The following BCAS3 variants were observed in gnomAD, a reference collection of about 807,000 sequenced individuals.
BCAS3 encodes BCAS3 microtubule associated cell migration factor.
BCAS3 carries 53 observed loss-of-function variants against 116.1 expected under a neutral mutation model. The ratio of observed to expected loss-of-function variants is 0.46; its 90% CI spans 0.37 to 0.57. The LOEUF (loss-of-function observed/expected upper bound fraction) is 0.57, where lower values mean the gene tolerates loss of function less well. Ranked by LOEUF, BCAS3 falls within the 20% of genes least tolerant of loss-of-function variation. The probability of loss-of-function intolerance (pLI) is 0.00; values close to 1 mark genes in which losing one functional copy is unlikely to be tolerated. For synonymous variants in BCAS3, 391 were observed against 408.2 expected (o/e 0.96, Z 0.51); for missense variants, 917 against 1,165.4 (o/e 0.79, Z 3.10).
Position 61,188,432 on chromosome 17 carries a change from A to G in BCAS3, c.2425+103868A>G, listed in dbSNP as rs568769510. On this transcript the variant is annotated intron_variant, in intron 22 of 23. Coordinates refer to ENST00000407086, the MANE Select transcript of BCAS3 (RefSeq NM_017679.5). The surrounding 1 kb of genome is among the most constrained non-coding windows in gnomAD (Gnocchi z 4.0). ...AGAGTTCCCACTCGATTCCTAGTTT[A>G]TATTCTGGTATGGACCACAAGTCTG... Among the ~76,000 whole-genome samples the G allele has an allele frequency of 7.9e-5, 12 of 152,302 alleles. No individual in the cohort carries two copies. The South Asian group carries it at 1.7e-3, about 21-fold the overall frequency.
intron 7 of BCAS3, among the ~76,000 whole-genome samples, chr17:60,848,573 T>G (rs927203676): frequency 6.6e-6 from 1 of 152,180 alleles, no homozygotes; most frequent in Non-Finnish European, 1.5e-5. Flanking sequence ...TTCAGTACAG[T>G]GTTGAATAAT....
chr17:60,876,373 C>G (rs371890835), intron 9 of BCAS3, among the ~76,000 whole-genome samples: 11 of 152,022 alleles, frequency 7.2e-5, no homozygotes, highest in African/African-American at 2.2e-4. Context: ...CACTAATACC[C>G]CTTCTCTTTA....
intron 22 of BCAS3, among the ~76,000 whole-genome samples, chr17:61,359,201 T>C (rs1304403873): frequency 6.6e-6 from 1 of 152,182 alleles, no homozygotes; most frequent in African/African-American, 2.4e-5. Context: ...TAGCCTTTCA[T>C]AGAATCCCAC....
intron 6 of BCAS3, among the ~76,000 whole-genome samples, chr17:60,774,632 C>T (rs2045092450): frequency 6.6e-6 from 1 of 152,234 alleles, no homozygotes; most frequent in Non-Finnish European, 1.5e-5. Flanking sequence ...TTCTCTTACT[C>T]TTTGTTAGGT....
At chr17:61,047,865 T>C (rs2068490455) in intron 19 of BCAS3, among the ~76,000 whole-genome samples, 1 of 152,040 alleles carries the variant, frequency 6.6e-6, no homozygotes, top group Non-Finnish European at 1.5e-5. Context: ...GCAACAGTGT[T>C]TTTAAGTTGC....
At position 60,817,942 on chromosome 17, in the gene BCAS3, C is replaced by T. The variant is rs572931472; in HGVS notation, c.476+9866C>T. The stretch of plus-strand genomic sequence containing the variant: ...TGATCTTGGCTCACTGCAACCTCCA[C>T]GTCCTGGGTTCAAGAAATTCTCCTG... On this transcript the variant is annotated intron_variant, in intron 7 of 23. Coordinates refer to ENST00000407086, the MANE Select transcript of BCAS3 (RefSeq NM_017679.5). 4.6e-5 allele frequency among the ~76,000 whole-genome samples: 7 copies of T among 151,632 alleles called. No individual in the cohort carries two copies. In the East Asian group the frequency reaches 7.7e-4, roughly 17 times the overall value.
intron 7 of BCAS3, among the ~76,000 whole-genome samples, chr17:60,867,115 T>G (rs1387878190): frequency 1.7e-5 from 2 of 118,630 alleles, no homozygotes; most frequent in African/African-American, 1.1e-4. Context: ...TTTGTTTTTG[T>G]TTTTTTTTTT....
chr17:61,176,138 C>CAAAAAAAAAAAAAAAA (rs534042215), intron 22 of BCAS3, among the ~76,000 whole-genome samples: 1 of 50,046 alleles, frequency 2.0e-5, no homozygotes, highest in African/African-American at 6.6e-5. Flanking sequence ...GACCCTATCT[C>CAAAAAAAAAAAAAAAA]AAAAAAAAAA....
Position 61,344,932 on chromosome 17 carries a change from CAT to C in BCAS3, c.2426-23393_2426-23392del, listed in dbSNP as rs1491203141. On this transcript the variant is annotated intron_variant, in intron 22 of 23. Transcript: ENST00000407086. The surrounding 1 kb of genome is among the most constrained non-coding windows in gnomAD (Gnocchi z 4.1). ...GATCGGAAATACACACACACACACA[CAT>C]ACACACACACACACGCACACCCCTC... is the stretch of plus-strand genomic sequence containing the variant. Among the ~76,000 whole-genome samples the C allele has an allele frequency of 6.6e-5, 10 of 151,454 alleles. No homozygotes were observed. Among genetic ancestry groups the C allele is most frequent in the Admixed American group, 2.0e-4 (3 of 15,234 alleles).
chr17:61,007,051 A>T lies in BCAS3; in HGVS notation c.1487-8700A>T, dbSNP rs1314702664. Among the ~76,000 whole-genome samples, 1 of 152,050 alleles carries T rather than the reference A, an allele frequency of 6.6e-6. No homozygotes were observed. The highest frequency in any genetic ancestry group is 1.9e-4 in the East Asian group (1 of 5,180). On this transcript the variant is annotated intron_variant, in intron 15 of 23. Transcript: ENST00000407086. This position sits in a 1 kb window ranked among gnomAD's most constrained non-coding sequence, Gnocchi z 4.3. ...AAGAATAATAAGTAATGAACTTACC[A>T]CTTTGAGGGAGGAGATTTTGTTCAT...
intron 7 of BCAS3, chr17:60,811,496 G>A: frequency 2.2e-6 from 1 of 459,908 alleles, no homozygotes; most frequent in Non-Finnish European, 4.1e-6. Flanking sequence ...TGGGGAGCCA[G>A]GAGGCCAATG....
Position 61,285,234 on chromosome 17 carries a change from T to C in BCAS3, c.2426-83093T>C, listed in dbSNP as rs892397488. Reference sequence around the variant, plus strand: ...TTGCTTTTCCCCTCCTCCTAGGTTGTGTGTGTGTGTGTGTGTGTGTGTGTT... The same window carrying C: ...TTGCTTTTCCCCTCCTCCTAGGTTGCGTGTGTGTGTGTGTGTGTGTGTGTT... On this transcript the variant is annotated intron_variant, in intron 22 of 23. Transcript: ENST00000407086. This position sits in a 1 kb window ranked among gnomAD's most constrained non-coding sequence, Gnocchi z 5.4. 4.6e-4 allele frequency among the ~76,000 whole-genome samples: 69 copies of C among 148,608 alleles called. No individual in the cohort carries two copies. The highest frequency in any genetic ancestry group is 7.5e-5 in the Non-Finnish European group (5 of 66,664).
chr17:60,950,859 A>C (rs910238180), intron 14 of BCAS3, among the ~76,000 whole-genome samples: 3 of 152,188 alleles, frequency 2.0e-5, no homozygotes, highest in Non-Finnish European at 4.4e-5. Context: ...ACCCTTCACC[A>C]ACTTTTTTAC....
At chr17:61,340,259 G>T (rs2143223020) in intron 22 of BCAS3, among the ~76,000 whole-genome samples, 2 of 151,406 alleles carry the variant, frequency 1.3e-5, no homozygotes, top group East Asian at 3.9e-4. Context: ...ATGGCAAGAG[G>T]GGGTGGGGGC....
chr17:61,218,420 A>C (rs746516412), intron 22 of BCAS3, among the ~76,000 whole-genome samples: 20 of 152,252 alleles, frequency 1.3e-4, no homozygotes, highest in Admixed American at 6.5e-4. Context: ...TGAGACGTAC[A>C]TGCTGTTGGC....
At chr17:60,748,645 T>C (rs1360979522) in intron 6 of BCAS3, among the ~76,000 whole-genome samples, 1 of 152,206 alleles carries the variant, frequency 6.6e-6, no homozygotes, top group Non-Finnish European at 1.5e-5. Flanking sequence ...TCCCTCTTCA[T>C]GTTATTTATG....
chr17:60,827,441 A>G (rs1051323869), intron 7 of BCAS3, among the ~76,000 whole-genome samples: 1 of 152,232 alleles, frequency 6.6e-6, no homozygotes, highest in African/African-American at 2.4e-5. Flanking sequence ...CAGATTGGCC[A>G]GTCTTCATTG....
chr17:60,834,913 G>A (rs1194562855), intron 7 of BCAS3, among the ~76,000 whole-genome samples: 1 of 151,772 alleles, frequency 6.6e-6, no homozygotes, highest in Admixed American at 6.6e-5. Flanking sequence ...TATTCTTTTA[G>A]TTTTCAAAAG....
Position 60,999,003 on chromosome 17 carries a change from G to A in BCAS3, c.1486+8768G>A, listed in dbSNP as rs147634021. Among the ~76,000 whole-genome samples the A allele has an allele frequency of 6.7e-3, 1,017 of 152,190 alleles. 9 individuals carry two copies. Among genetic ancestry groups the A allele is most frequent in the Non-Finnish European group, 0.011 (725 of 67,988 alleles). On this transcript the variant is annotated intron_variant, in intron 15 of 23. Transcript: ENST00000407086. ...GTTAATTTTTGTATGTGGTGAGTAG[G>A]TAGGAGCCTAGCTTAATTCTTCTGT...
Sources: gnomAD v4.1 joint callset for allele counts (sites outside exome capture counted in the v4.1 genomes callset) on GRCh38, gnomAD v4.1.1 for gene constraint, Gnocchi (gnomAD v3.1) non-coding constraint, MANE v1.5 for transcripts, NCBI Gene and HGNC (gene_info 2026-07-23, HGNC 2026-07-21) for gene names.